ZNF430: variants seen among roughly 807,000 people sequenced by gnomAD.
ZNF430 encodes the protein zinc finger protein 430.
Under a neutral mutation model 56.7 loss-of-function variants are expected in ZNF430, and 35 were observed. That is an observed-to-expected ratio of 0.62 (90% confidence interval 0.47 to 0.82). The LOEUF is 0.82. Ranked by LOEUF, ZNF430 falls within the 40% of genes least tolerant of loss-of-function variation. The pLI, the probability that ZNF430 is intolerant of heterozygous loss-of-function variation, is 0.00. For synonymous variants in ZNF430, 212 were observed against 224.3 expected (o/e 0.94, Z 0.49); for missense variants, 574 against 661.0 (o/e 0.87, Z 1.44).
At chr19:21,021,398 C>T (rs1226275264) in intron 1 of ZNF430, among the ~76,000 whole-genome samples, 1 of 151,896 alleles carries the variant, frequency 6.6e-6, no homozygotes, top group Non-Finnish European at 1.5e-5. Context: ...ACTTGGGAGA[C>T]TGAGGCAGGA....
intron 1 of ZNF430, 129 bp downstream of exon 1, chr19:21,020,932 C>T: frequency 4.5e-6 from 6 of 1,340,292 alleles, no homozygotes; most frequent in East Asian, 2.3e-5. Context: ...TCTTGCCCAG[C>T]TGGGCCTCAG....
At chr19:21,027,668 A>G (rs1037354380) in intron 2 of ZNF430, among the ~76,000 whole-genome samples, 2 of 152,054 alleles carry the variant, frequency 1.3e-5, no homozygotes, top group African/African-American at 4.8e-5. Flanking sequence ...TGAGTTGAAA[A>G]GGAGTCCTTT....
At chr19:21,026,827 CTT>C (rs747809260) in intron 2 of ZNF430, among the ~76,000 whole-genome samples, 12,680 of 68,238 alleles carry the variant, frequency 0.19, 288 homozygotes, top group Middle Eastern at 0.28. Flanking sequence ...CTTTTCTTTT[CTT>C]TTTTTTTTTT....
chr19:21,048,428 C>T (rs1360679410), intron 4 of ZNF430, among the ~76,000 whole-genome samples: 2 of 151,694 alleles, frequency 1.3e-5, no homozygotes, highest in Non-Finnish European at 2.9e-5. Context: ...TAACAAAGCA[C>T]ATCTTGCACC....
intron 4 of ZNF430, among the ~76,000 whole-genome samples, chr19:21,054,133 TTTAAC>T (rs1419653162): frequency 3.3e-5 from 5 of 152,192 alleles, no homozygotes; most frequent in Non-Finnish European, 5.9e-5. Flanking sequence ...TTTCTATGCT[TTTAAC>T]TTTCAAATTT....
At chr19:21,032,739 A>G (rs976249003) in intron 2 of ZNF430, among the ~76,000 whole-genome samples, 31 of 152,130 alleles carry the variant, frequency 2.0e-4, no homozygotes, top group African/African-American at 6.3e-4. Flanking sequence ...AAGAAAAAAA[A>G]AAGAAGAAAG....
chr19:21,021,511 T>G (rs1967686058), intron 1 of ZNF430, among the ~76,000 whole-genome samples: 1 of 151,072 alleles, frequency 6.6e-6, no homozygotes, highest in Non-Finnish European at 1.5e-5. Context: ...AAAAAAAAAA[T>G]GTACAGAAGT....
At chr19:21,022,991 T>C in intron 2 of ZNF430, 110 bp downstream of exon 2, 1 of 800,768 alleles carries the variant, frequency 1.2e-6, no homozygotes, top group Non-Finnish European at 2.1e-6. Context: ...AAACAAATAA[T>C]TTTTGCCTCT....
intron 4 of ZNF430, among the ~76,000 whole-genome samples, chr19:21,048,856 G>A (rs1314922990): frequency 2.6e-5 from 4 of 151,924 alleles, no homozygotes; most frequent in Admixed American, 2.0e-4. Context: ...CCGGGCAGGG[G>A]CTGCCCCCCA....
intron 4 of ZNF430, 200 bp downstream of exon 4, chr19:21,034,384 T>G (rs1297933352): frequency 4.6e-5 from 20 of 439,150 alleles, no homozygotes; most frequent in Non-Finnish European, 8.1e-5. Context: ...TTCCCCTTGG[T>G]GATCTCCCTT....
intron 4 of ZNF430, among the ~76,000 whole-genome samples, chr19:21,053,251 G>T (rs370213661): frequency 2.0e-5 from 3 of 151,958 alleles, no homozygotes; most frequent in African/African-American, 7.3e-5. Flanking sequence ...TAAAAGAGAA[G>T]GCAGGAAGGA....
intron 2 of ZNF430, among the ~76,000 whole-genome samples, chr19:21,023,295 GAC>G (rs1967731638): frequency 6.6e-6 from 1 of 152,212 alleles, no homozygotes; most frequent in Non-Finnish European, 1.5e-5. Flanking sequence ...ACATGAGTCA[GAC>G]ACATCTGTTT....
At chr19:21,022,762 C>A (rs1364176754) in intron 1 of ZNF430, 27 bp from the exon 2 acceptor site, 17 of 1,476,802 alleles carry the variant, frequency 1.2e-5, no homozygotes, top group Non-Finnish European at 1.4e-5. Context: ...TAGTGGATAT[C>A]AGCTTCTGGG....
intron 2 of ZNF430, among the ~76,000 whole-genome samples, chr19:21,028,991 G>GT (rs1457288292): frequency 6.6e-6 from 1 of 152,054 alleles, no homozygotes; most frequent in South Asian, 2.1e-4. Context: ...GCAATTCTGT[G>GT]TTTTTTTCTC....
chr19:21,022,882 G>T lies in ZNF430; in HGVS notation c.96+1G>T. On this transcript the variant is annotated splice_donor_variant, in intron 2 of 4. Transcript: ENST00000261560. LOFTEE classifies it high-confidence loss of function. Reference sequence around the variant, plus strand: ...TCTGGTGTACTCTTTTTATGAAAAGGTAACCCCTTGAGATGTTAAAATTGT... The same window carrying T: ...TCTGGTGTACTCTTTTTATGAAAAGTTAACCCCTTGAGATGTTAAAATTGT... The T allele has an allele frequency of 6.2e-7, 1 of 1,608,692 alleles. No homozygotes were observed. The highest frequency in any genetic ancestry group is 8.5e-7 in the Non-Finnish European group (1 of 1,175,160).
intron 4 of ZNF430, among the ~76,000 whole-genome samples, chr19:21,045,603 G>T (rs1276724931): frequency 2.6e-5 from 4 of 152,154 alleles, no homozygotes; most frequent in Non-Finnish European, 5.9e-5. Context: ...CCAAAGCTGA[G>T]TTCAAGTCCT....
At chr19:21,041,623 C>G (rs1440462820) in intron 4 of ZNF430, among the ~76,000 whole-genome samples, 1 of 152,210 alleles carries the variant, frequency 6.6e-6, no homozygotes, top group Admixed American at 6.5e-5. Flanking sequence ...GGTGTGAAGC[C>G]CTGCATGCAT....
At chr19:21,024,595 T>C (rs1035535152) in intron 2 of ZNF430, among the ~76,000 whole-genome samples, 2 of 151,806 alleles carry the variant, frequency 1.3e-5, no homozygotes, top group Non-Finnish European at 2.9e-5. Context: ...CTGGCTAACA[T>C]GGTGAAACCC....
At chr19:21,032,573 C>G (rs941548452) in intron 2 of ZNF430, among the ~76,000 whole-genome samples, 2 of 151,928 alleles carry the variant, frequency 1.3e-5, no homozygotes, top group Non-Finnish European at 2.9e-5. Flanking sequence ...ACTAAAAATA[C>G]AAAATTAGCT....
Sources: gnomAD v4.1 joint callset for allele counts (sites outside exome capture counted in the v4.1 genomes callset) on GRCh38, gnomAD v4.1.1 for gene constraint, MANE v1.5 for transcripts, NCBI Gene and HGNC (gene_info 2026-07-23, HGNC 2026-07-21) for gene names.